Variants in BTAF1 observed in about 807,000 individuals in gnomAD.
BTAF1 encodes B-TFIID TATA-box binding protein associated factor 1.
A neutral mutation model predicts 227.1 loss-of-function variants in BTAF1; 38 were observed. The ratio of observed to expected loss-of-function variants is 0.17; its 90% confidence interval spans 0.13 to 0.22. BTAF1 has a LOEUF of 0.22. BTAF1 is among the 10% of genes least tolerant of loss of function. The pLI, the probability that BTAF1 is intolerant of heterozygous loss-of-function variation, is 1.00. For synonymous variants in BTAF1, 742 were observed against 751.9 expected (o/e 0.99, Z 0.21); for missense variants, 1,598 against 2,204.0 (o/e 0.73, Z 5.51).
intron 4 of BTAF1, among the ~76,000 whole-genome samples, chr10:91,943,624 T>C (rs115410813): frequency 3.6e-3 from 551 of 152,290 alleles, no homozygotes; most frequent in African/African-American, 0.012. Context: ...AAAGATCTAG[T>C]TATTTTTGCA....
chr10:91,981,096 T>C (rs1047832329), intron 15 of BTAF1, among the ~76,000 whole-genome samples: 1 of 152,164 alleles, frequency 6.6e-6, no homozygotes, highest in African/African-American at 2.4e-5. Context: ...AAGTGACTCC[T>C]TGTTAACAAC....
At position 92,009,221 on chromosome 10, in the gene BTAF1, T is replaced by G. The variant is rs1484118729; in HGVS notation, c.4103+13T>G. On this transcript the variant is annotated intron_variant, in intron 28 of 37. Coordinates refer to ENST00000265990, the MANE Select transcript of BTAF1 (RefSeq NM_003972.3). ...CTGAAAGAATAAGGTAAGAGTTGTA[T>G]GACAATAACAAAATATTTCATCTGT... 8 of 1,605,662 alleles carry G rather than the reference T, an allele frequency of 5.0e-6. No individual in the cohort carries two copies. In the African/African-American group the frequency reaches 1.1e-4, roughly 22 times the overall value.
At chr10:91,992,489 C>G (rs1156621555) in intron 21 of BTAF1, among the ~76,000 whole-genome samples, 180 bp downstream of exon 21, 3 of 152,054 alleles carry the variant, frequency 2.0e-5, no homozygotes, top group African/African-American at 7.2e-5. Flanking sequence ...TCTCATGTCT[C>G]TTGTAATTTT....
chr10:92,013,901 G>A lies in BTAF1; in HGVS notation c.4456G>A (p.Val1486Ile). 1 of 1,613,470 alleles carries A rather than the reference G, an allele frequency of 6.2e-7. No homozygotes were observed. The highest frequency in any genetic ancestry group is 8.5e-7 in the Non-Finnish European group (1 of 1,179,894). Residue 1486 changes from valine (V) to isoleucine (I), a missense_variant and splice_region_variant, in exon 32 of 38, where the codon GTT (valine) becomes ATT (isoleucine). Val to Ile is a conservative substitution (Grantham distance 29). This residue lies in a region of BTAF1 where 184 missense variants were observed against 341.1 expected (regional missense o/e 0.54). Transcript: ENST00000265990. ...RSSSREQEAG[V>I]LAMDALHRQV... ...ATTTTCTCTTTAACTATTAACAGGT[G>A]TTCTTGCTATGGATGCGCTGCACCG... is the stretch of plus-strand genomic sequence containing the variant.
intron 4 of BTAF1, among the ~76,000 whole-genome samples, chr10:91,944,688 C>T (rs1359286661): frequency 6.6e-6 from 1 of 152,180 alleles, no homozygotes; most frequent in East Asian, 1.9e-4. Context: ...AGAAGAAACC[C>T]CATATCCTTA....
chr10:91,996,477 G>A lies in BTAF1; in HGVS notation c.3418G>A (p.Glu1140Lys), dbSNP rs1589916442. 1 of 1,614,142 alleles carries A rather than the reference G, an allele frequency of 6.2e-7. No homozygotes were observed. ...VGVMSKIATM[E>K]TMNIFLEKVL... is the part of the protein sequence containing the mutation. Reference sequence around the variant, plus strand: ...TGTCATGAGCAAAATAGCTACCATGGAAACAATGAATATTTTTTTGGAGAA... The same window carrying A: ...TGTCATGAGCAAAATAGCTACCATGAAAACAATGAATATTTTTTTGGAGAA... Residue 1140 changes from glutamate (E) to lysine (K), a missense_variant, in exon 24 of 38, where the codon GAA becomes AAA. By Grantham distance (56) the Glu-to-Lys change is moderately conservative. Coordinates refer to ENST00000265990, the MANE Select transcript of BTAF1 (RefSeq NM_003972.3).
rs143481119 is a variant in BTAF1, at chr10:92,000,467, G to A, written c.3660+2716G>A. On this transcript the variant is annotated intron_variant, in intron 25 of 37. Transcript: ENST00000265990. ...GAATATGGATTAGAATTGAAAGTGC[G>A]CCAAAATAGAGCTCACATCCACTGT... Among the ~76,000 whole-genome samples, 757 of 152,258 alleles carry A rather than the reference G, an allele frequency of 5.0e-3. 5 individuals are homozygous for A. Among genetic ancestry groups the A allele is most frequent in the Non-Finnish European group, 7.4e-3 (506 of 68,012 alleles).
intron 7 of BTAF1, 127 bp from the exon 8 acceptor site, chr10:91,957,096 TAA>T (rs751329079): frequency 1.7e-6 from 1 of 579,212 alleles, no homozygotes; most frequent in South Asian, 3.1e-5. Context: ...CTTAATTAGT[TAA>T]AAAAATTAAA....
chr10:92,009,487 A>C (rs995660516), intron 28 of BTAF1, among the ~76,000 whole-genome samples: 1 of 152,202 alleles, frequency 6.6e-6, no homozygotes, highest in Admixed American at 6.5e-5. Flanking sequence ...GTCTGTGACC[A>C]TAGCATCTTT....
chr10:91,930,233 T>C (rs1844181293), intron 1 of BTAF1, among the ~76,000 whole-genome samples: 1 of 152,172 alleles, frequency 6.6e-6, no homozygotes, highest in Non-Finnish European at 1.5e-5. Context: ...TACTATGTTT[T>C]GTCATTAAGA....
chr10:91,992,789 T>G (rs1305548989), intron 21 of BTAF1, among the ~76,000 whole-genome samples: 1 of 152,212 alleles, frequency 6.6e-6, no homozygotes, highest in East Asian at 1.9e-4. Flanking sequence ...TGTTAATGGC[T>G]TCATATGTGT....
At position 91,989,467 on chromosome 10, in the gene BTAF1, G is replaced by A; in HGVS notation, c.2741G>A (p.Cys914Tyr). 1 of 1,614,016 alleles carries A rather than the reference G, an allele frequency of 6.2e-7. No homozygotes were observed. The highest frequency in any genetic ancestry group is 8.5e-7 in the Non-Finnish European group (1 of 1,180,032). The change falls in exon 20 of 38, where the codon TGT becomes TAT. Residue 914 changes from cysteine (C) to tyrosine (Y), a missense_variant. Around this residue, in one of 10 missense-constraint regions of BTAF1, gnomAD observed 425 missense variants for 491.2 expected, o/e 0.87. Transcript: ENST00000265990. ...CAGCAGTGCACAACAAGGACGCCCT[G>A]TCCCAATTCAAAAATTATTAAAAAC... is the stretch of plus-strand genomic sequence containing the variant. ...LLQQCTTRTP[C>Y]PNSKIIKNLC...
At chr10:91,954,238 T>TA (rs1323432576) in intron 6 of BTAF1, among the ~76,000 whole-genome samples, 3 of 152,044 alleles carry the variant, frequency 2.0e-5, no homozygotes, top group Non-Finnish European at 2.9e-5. Context: ...AGGAGAGTGA[T>TA]AGAGAATGAA....
At chr10:92,002,461 G>T (rs12253972) in intron 25 of BTAF1, among the ~76,000 whole-genome samples, 20,938 of 152,124 alleles carry the variant, frequency 0.14, 1,709 homozygotes, top group East Asian at 0.22. Context: ...GTAACACTTG[G>T]GTTTAGGGTT....
intron 8 of BTAF1, 88 bp from the exon 9 acceptor site, chr10:91,958,977 T>C: frequency 8.7e-7 from 1 of 1,145,194 alleles, no homozygotes; most frequent in South Asian, 1.4e-5. Flanking sequence ...TTCTTAAAAA[T>C]CCAGTATCCC....
intron 15 of BTAF1, among the ~76,000 whole-genome samples, chr10:91,980,913 T>C (rs1848020009): frequency 6.6e-6 from 1 of 152,190 alleles, no homozygotes. Flanking sequence ...CTGTTGGTAA[T>C]ATAGAGTCTA....
At chr10:92,009,873 G>GT (rs1411981637) in intron 28 of BTAF1, among the ~76,000 whole-genome samples, 1 of 152,092 alleles carries the variant, frequency 6.6e-6, no homozygotes, top group Non-Finnish European at 1.5e-5. Context: ...GAAGCTCATT[G>GT]ATTTCAGCTC....
In BTAF1 at chr10:91,993,790, C is replaced by T; in HGVS notation, c.3142C>T (p.His1048Tyr). The change falls in exon 22 of 38, where the codon CAT becomes TAT. Residue 1048 changes from histidine to tyrosine, a missense_variant. His to Tyr is a moderately conservative substitution (Grantham distance 83). Around this residue, in one of 10 missense-constraint regions of BTAF1, gnomAD observed 425 missense variants for 491.2 expected, o/e 0.87. Transcript: ENST00000265990. ...FGGEMAVKLP[H>Y]LWDAMVGPLR... ...TGGTGAAATGGCAGTGAAGTTGCCACATCTCTGGGATGCTATGGTTGGCCC... is the reference window on the plus strand; with the variant it reads ...TGGTGAAATGGCAGTGAAGTTGCCATATCTCTGGGATGCTATGGTTGGCCC... 6.2e-7 allele frequency: 1 copy of T among 1,609,456 alleles called. No homozygotes were observed. The highest frequency in any genetic ancestry group is 8.5e-7 in the Non-Finnish European group (1 of 1,177,238).
chr10:91,980,970 T>C (rs1201762627), intron 15 of BTAF1, among the ~76,000 whole-genome samples: 2 of 152,184 alleles, frequency 1.3e-5, no homozygotes, highest in African/African-American at 4.8e-5. Flanking sequence ...AGTGATCATA[T>C]GTGTTAGAAT....
Sources: allele counts gnomAD v4.1 joint callset (sites outside exome capture counted in the v4.1 genomes callset), GRCh38; gene constraint gnomAD v4.1.1; regional missense constraint gnomAD v4.1.1; transcripts MANE v1.5; gene names NCBI Gene and HGNC (gene_info 2026-07-23, HGNC 2026-07-21).